Variants in NDST1 observed in about 807,000 individuals in gnomAD.
NDST1 encodes N-deacetylase and N-sulfotransferase 1.
A neutral mutation model predicts 92.8 loss-of-function variants in NDST1; 35 were observed. The observed-to-expected ratio is 0.38, with a 90% CI of 0.29 to 0.50. NDST1 has a LOEUF of 0.50. Ranked by LOEUF, NDST1 falls within the 20% of genes least tolerant of loss-of-function variation. The pLI is 0.94. For missense variants in NDST1, 822 were observed against 1,182.7 expected, an observed-to-expected ratio of 0.69 and a Z score of 4.47; for synonymous variants, 493 against 500.3, an observed-to-expected ratio of 0.99 and a Z score of 0.19.
intron 1 of NDST1, among the ~76,000 whole-genome samples, chr5:150,512,520 C>T (rs930565132): frequency 6.6e-6 from 1 of 152,234 alleles, no homozygotes; most frequent in Non-Finnish European, 1.5e-5. Flanking sequence ...GGAAACAGGT[C>T]GTTTGCTTGT....
At chr5:150,541,747 GC>G in intron 9 of NDST1, 81 bp downstream of exon 9, 1 of 1,313,502 alleles carries the variant, frequency 7.6e-7, no homozygotes, top group Non-Finnish European at 1.1e-6. Flanking sequence ...CCTTGCCCTG[GC>G]CCCACTCCCG....
At position 150,521,443 on chromosome 5, in the gene NDST1, C is replaced by T. The variant is rs1464150509; in HGVS notation, c.189C>T (p.Ala63=). The T allele has an allele frequency of 6.2e-7, 1 of 1,613,266 alleles. No individual in the cohort carries two copies. The highest frequency in any genetic ancestry group is 1.3e-5 in the African/African-American group (1 of 74,928). ...EPDCGDPPPV[A]PSRLLPLKPV... ...ACTGCGGGGACCCGCCGCCTGTGGC[C>T]CCCAGTCGCCTGCTGCCACTCAAGC... Residue 63 remains alanine (A), a synonymous_variant, in exon 2 of 15, where the codon GCC becomes GCT. Transcript: ENST00000261797. This position sits in a 1 kb window ranked among gnomAD's most constrained non-coding sequence, Gnocchi z 5.9.
upstream of NDST1, among the ~76,000 whole-genome samples, chr5:150,505,271 C>T (rs1016245336): frequency 2.0e-5 from 3 of 152,188 alleles, no homozygotes; most frequent in African/African-American, 7.2e-5. Context: ...GGCTGTCCAC[C>T]AGCCTGCCTT....
In NDST1 at chr5:150,553,990, T is replaced by C; in HGVS notation, c.*658T>C. 2 of 407,652 alleles carry C rather than the reference T, an allele frequency of 4.9e-6. No homozygotes were observed. Among genetic ancestry groups the C allele is most frequent in the East Asian group, 3.5e-5 (1 of 28,812 alleles). 25.3% of individuals were successfully genotyped at this position (407,652 alleles called of 1,614,324 possible). On this transcript the variant is annotated 3_prime_UTR_variant, in exon 15 of 15. Coordinates refer to ENST00000261797, the MANE Select transcript of NDST1 (RefSeq NM_001543.5). This position sits in a 1 kb window ranked among gnomAD's most constrained non-coding sequence, Gnocchi z 4.2. ...TCCCGCAGGGCCTTGGGGCACTGCC[T>C]TGCCATCGGGCCCAGTTCTCCGGGC... is the stretch of plus-strand genomic sequence containing the variant.
rs1402434835 is a variant in NDST1, at chr5:150,535,821, C to T, written c.1373C>T (p.Thr458Met). The T allele has an allele frequency of 5.0e-6, 8 of 1,614,130 alleles. No homozygotes were observed. Among genetic ancestry groups the T allele is most frequent in the Non-Finnish European group, 5.9e-6 (7 of 1,180,026 alleles). ...KQVWSIRVTS[T>M]EEYPHLKPAR... is the part of the protein sequence containing the mutation. ...GTGTGGAGCATCCGCGTGACCAGCACGGAGGAGTACCCCCACCTGAAGCCA... is the reference window on the plus strand; with the variant it reads ...GTGTGGAGCATCCGCGTGACCAGCATGGAGGAGTACCCCCACCTGAAGCCA... The change falls in exon 6 of 15, where the codon ACG becomes ATG. Residue 458 changes from threonine to methionine, a missense_variant. By Grantham distance (81) the Thr-to-Met change is moderately conservative (BLOSUM62 -1). Transcript: ENST00000261797.
At chr5:150,540,637 G>A (rs1454667752) in intron 8 of NDST1, among the ~76,000 whole-genome samples, 2 of 152,056 alleles carry the variant, frequency 1.3e-5, no homozygotes, top group Non-Finnish European at 2.9e-5. Context: ...GCAATATGGC[G>A]AAACCCTGTC....
chr5:150,522,508 G>A (rs2151271851), intron 2 of NDST1, among the ~76,000 whole-genome samples: 1 of 152,330 alleles, frequency 6.6e-6, no homozygotes, highest in South Asian at 2.1e-4. Flanking sequence ...CCTGCAAGAT[G>A]AAAGCAGACA....
Position 150,527,664 on chromosome 5 carries a change from C to T in NDST1, c.514-140C>T, listed in dbSNP as rs967280492. Reference sequence around the variant, plus strand: ...GAGTATATTATTGTGCAGGGTGGAGCGCAGGGCCAGGGTGGTGAGCCCTCC... The same window carrying T: ...GAGTATATTATTGTGCAGGGTGGAGTGCAGGGCCAGGGTGGTGAGCCCTCC... On this transcript the variant is annotated intron_variant, in intron 2 of 14. Coordinates refer to ENST00000261797, the MANE Select transcript of NDST1 (RefSeq NM_001543.5). 2.2e-5 allele frequency: 26 copies of T among 1,193,724 alleles called. No individual in the cohort carries two copies. In the African/African-American group the frequency reaches 2.3e-4, roughly 10 times the overall value. 73.9% of individuals were successfully genotyped at this position (1,193,724 alleles called of 1,614,324 possible). A position where few individuals can be genotyped will look rare whatever the true frequency, so the allele number is the denominator to read the frequency against.
chr5:150,549,642 T>G (rs755735149), intron 12 of NDST1, 36 bp from the exon 13 acceptor site: 1 of 1,366,984 alleles, frequency 7.3e-7, no homozygotes, highest in African/African-American at 1.4e-5. Context: ...GCCACCGAAG[T>G]CAAAGCAGGT....
At position 150,521,325 on chromosome 5, in the gene NDST1, T is replaced by C; in HGVS notation, c.71T>C (p.Phe24Ser). 6.2e-7 allele frequency: 1 copy of C among 1,613,384 alleles called. No homozygotes were observed. The highest frequency in any genetic ancestry group is 2.2e-5 in the East Asian group (1 of 44,846). Residue 24 changes from phenylalanine (F) to serine (S), a missense_variant, in exon 2 of 15, where the codon TTC becomes TCC. By Grantham distance (155) the Phe-to-Ser change is radical (BLOSUM62 -2). Transcript: ENST00000261797. The surrounding 1 kb of genome is among the most constrained non-coding windows in gnomAD (Gnocchi z 5.9). ...CCGCAGGCTGTCCTTTTCCTGCTGT[T>C]CATCTTCTGCCTGTTCAGCGTTTTC... Reference protein sequence around the residue: ...VSPQAVLFLLFIFCLFSVFIS... With the variant: ...VSPQAVLFLLSIFCLFSVFIS...
At chr5:150,526,441 G>A (rs535332992) in intron 2 of NDST1, among the ~76,000 whole-genome samples, 4 of 152,336 alleles carry the variant, frequency 2.6e-5, no homozygotes, top group South Asian at 4.1e-4. Flanking sequence ...TGTATTGAGC[G>A]TCTATCTATG....
At chr5:150,537,941 GT>G (rs1344660324) in intron 6 of NDST1, among the ~76,000 whole-genome samples, 1 of 152,186 alleles carries the variant, frequency 6.6e-6, no homozygotes, top group Non-Finnish European at 1.5e-5. Context: ...TCGGGGGTTG[GT>G]TTCCCCCAAT....
Position 150,521,034 on chromosome 5 carries a change from G to A in NDST1, c.-221G>A, listed in dbSNP as rs1341949980. On this transcript the variant is annotated 5_prime_UTR_variant, in exon 2 of 15. Coordinates refer to ENST00000261797, the MANE Select transcript of NDST1 (RefSeq NM_001543.5). This position sits in a 1 kb window ranked among gnomAD's most constrained non-coding sequence, Gnocchi z 5.9. ...TTGCCATGGTGACATAAAGGGGCGC[G>A]GAGGAAGGAAGGAGCGTGACCAGCC... The A allele has an allele frequency of 1.0e-5, 6 of 599,182 alleles. No homozygotes were observed. The highest frequency in any genetic ancestry group is 5.5e-5 in the East Asian group (2 of 36,176). 37.1% of individuals were successfully genotyped at this position (599,182 alleles called of 1,614,324 possible). A position where few individuals can be genotyped will look rare whatever the true frequency, so the allele number is the denominator to read the frequency against.
chr5:150,528,034 C>T lies in NDST1; in HGVS notation c.744C>T (p.Ser248=), dbSNP rs374626837. ...TGGCCAAGACGCGCTCGTCTGAGTC[C>T]ATCCCACACCTGGGCGCAGACGCCG... ...VLLAKTRSSE[S]IPHLGADAGL... is the part of the protein sequence containing the mutation. Residue 248 remains serine (S), a synonymous_variant, in exon 3 of 15, where the codon TCC becomes TCT. Transcript: ENST00000261797. 56 of 1,613,522 alleles carry T rather than the reference C, an allele frequency of 3.5e-5. No homozygotes were observed. The highest frequency in any genetic ancestry group is 4.7e-5 in the Non-Finnish European group (55 of 1,179,800).
At chr5:150,498,951 C>A (rs375496495) in intron 1 of NDST1, among the ~76,000 whole-genome samples, 16 of 152,288 alleles carry the variant, frequency 1.1e-4, no homozygotes, top group African/African-American at 3.9e-4. Context: ...ATGTTCCTGC[C>A]TATGGCCTCT....
intron 8 of NDST1, among the ~76,000 whole-genome samples, chr5:150,540,852 C>G (rs1421325217): frequency 1.3e-5 from 2 of 152,170 alleles, no homozygotes; most frequent in East Asian, 3.8e-4. Flanking sequence ...ACAGTGCAGA[C>G]AAAGTACAGA....
At chr5:150,530,176 G>T (rs1199557488) in intron 3 of NDST1, among the ~76,000 whole-genome samples, 1 of 152,180 alleles carries the variant, frequency 6.6e-6, no homozygotes, top group African/African-American at 2.4e-5. Context: ...TTGGTGCCAG[G>T]CTCAGCCCTC....
intron 12 of NDST1, among the ~76,000 whole-genome samples, chr5:150,549,350 A>C (rs1755624889): frequency 6.6e-6 from 1 of 152,076 alleles, no homozygotes; most frequent in African/African-American, 2.4e-5. Context: ...AAACTTGCGG[A>C]GTGTTTGAGC....
At chr5:150,519,881 G>A (rs768453764) in intron 1 of NDST1, among the ~76,000 whole-genome samples, 16 of 152,084 alleles carry the variant, frequency 1.1e-4, no homozygotes, top group Non-Finnish European at 1.3e-4. Context: ...TATAGGAGGC[G>A]TGGCCTGGGT....
Sources: gnomAD v4.1 joint callset for allele counts (sites outside exome capture counted in the v4.1 genomes callset) on GRCh38, gnomAD v4.1.1 for gene constraint, Gnocchi (gnomAD v3.1) non-coding constraint, MANE v1.5 for transcripts, NCBI Gene and HGNC (gene_info 2026-07-23, HGNC 2026-07-21) for gene names.